DLG2: variants seen among roughly 807,000 people sequenced by gnomAD.
DLG2 encodes disks large homolog 2.
Under a neutral mutation model 132.5 loss-of-function variants are expected in DLG2, and 45 were observed. The observed-to-expected ratio is 0.34, with a 90% CI of 0.27 to 0.44. The LOEUF is 0.44. Among genes scored for constraint, DLG2 ranks in the 20% least tolerant of loss-of-function variants. The pLI is 1.00. For synonymous variants in DLG2, 424 were observed against 419.6 expected, an observed-to-expected ratio of 1.01 and a Z score of -0.13; for missense variants, 1,045 against 1,196.9, an observed-to-expected ratio of 0.87 and a Z score of 1.87.
intron 19 of DLG2, among the ~76,000 whole-genome samples, chr11:83,599,191 C>T (rs574914737): frequency 6.6e-6 from 1 of 152,174 alleles, no homozygotes; most frequent in East Asian, 1.9e-4. Flanking sequence ...TCTCTATGAA[C>T]TACAGCCTTA....
intron 7 of DLG2, among the ~76,000 whole-genome samples, chr11:84,358,290 AT>A (rs1287316568): frequency 6.6e-6 from 1 of 151,364 alleles, no homozygotes; most frequent in Non-Finnish European, 1.5e-5. Flanking sequence ...TGAAGCCACT[AT>A]CAGATGATGC....
intron 7 of DLG2, among the ~76,000 whole-genome samples, chr11:84,450,319 AG>A (rs2099047981): frequency 6.6e-6 from 1 of 151,892 alleles, no homozygotes; most frequent in Admixed American, 6.6e-5. Flanking sequence ...AGAGAACATT[AG>A]CCCATGAGTT....
intron 3 of DLG2, chr11:85,286,127 A>G (rs747698513): frequency 3.5e-5 from 16 of 454,934 alleles, no homozygotes; most frequent in South Asian, 2.6e-4. Context: ...CAGAGACTAT[A>G]AAACCAAAGT....
intron 4 of DLG2, among the ~76,000 whole-genome samples, chr11:85,236,145 C>T (rs575225954): frequency 6.6e-6 from 1 of 151,890 alleles, no homozygotes; most frequent in Non-Finnish European, 1.5e-5. Context: ...GATTATTAAT[C>T]TCACTTTACA....
In DLG2 at chr11:85,408,035, A is replaced by T. The variant is rs994274600; in HGVS notation, c.41-122670T>A. On this transcript the variant is annotated intron_variant, in intron 3 of 27. Coordinates refer to ENST00000376104, the MANE Select transcript of DLG2 (RefSeq NM_001142699.3). ...CAAAAAAAAAAGACTGACAGTCTAT[A>T]ACACAAAATGCTAAAAGTATTTATT... 2.6e-5 allele frequency among the ~76,000 whole-genome samples: 4 copies of T among 151,914 alleles called. No homozygotes were observed. In the South Asian group the frequency reaches 8.3e-4, roughly 32 times the overall value.
chr11:84,247,249 A>G (rs1176555412), intron 8 of DLG2, among the ~76,000 whole-genome samples: 5 of 152,098 alleles, frequency 3.3e-5, no homozygotes, highest in African/African-American at 1.2e-4. Flanking sequence ...CTGAAAGGAG[A>G]GGAGAGCGCA....
chr11:83,820,189 T>C (rs1375979724), intron 17 of DLG2, among the ~76,000 whole-genome samples: 1 of 152,140 alleles, frequency 6.6e-6, no homozygotes, highest in Non-Finnish European at 1.5e-5. Flanking sequence ...TACATATTAT[T>C]TATTGTCTTA....
chr11:85,149,486 C>T (rs1214261516), intron 5 of DLG2, among the ~76,000 whole-genome samples: 1 of 152,108 alleles, frequency 6.6e-6, no homozygotes, highest in Non-Finnish European at 1.5e-5. Context: ...GATGCCACTT[C>T]CCATCCCATC....
At chr11:84,107,648 C>T (rs557268053) in intron 9 of DLG2, among the ~76,000 whole-genome samples, 1 of 152,096 alleles carries the variant, frequency 6.6e-6, no homozygotes, top group Non-Finnish European at 1.5e-5. Flanking sequence ...AGGAATACTT[C>T]GCCCTCTGAG....
intron 7 of DLG2, among the ~76,000 whole-genome samples, chr11:84,344,868 C>A (rs992697546): frequency 8.5e-5 from 13 of 152,096 alleles, no homozygotes; most frequent in Admixed American, 7.9e-4. Flanking sequence ...ATTATTTCTT[C>A]TACCGTATGG....
chr11:85,138,386 T>C (rs958570598), intron 5 of DLG2, among the ~76,000 whole-genome samples: 6 of 152,174 alleles, frequency 3.9e-5, no homozygotes, highest in African/African-American at 1.4e-4. Context: ...TATACAATGC[T>C]GTGGGTTGAG....
intron 21 of DLG2, among the ~76,000 whole-genome samples, chr11:83,489,025 A>T (rs932916164): frequency 3.9e-5 from 6 of 152,028 alleles, no homozygotes; most frequent in African/African-American, 1.4e-4. Context: ...TTGCCTAATT[A>T]AAAAAAGATT....
At chr11:85,526,253 AATTGCTTAAAATCAGTG>A (rs2074733246) in intron 3 of DLG2, among the ~76,000 whole-genome samples, 1 of 152,240 alleles carries the variant, frequency 6.6e-6, no homozygotes, top group East Asian at 1.9e-4. Flanking sequence ...TTCATAATTA[AATTGCTTAAAATCAGTG>A]ATACAGAGAA....
chr11:84,376,907 G>T (rs2098731635), intron 7 of DLG2, among the ~76,000 whole-genome samples: 1 of 151,862 alleles, frequency 6.6e-6, no homozygotes, highest in African/African-American at 2.4e-5. Context: ...GACAGAATTA[G>T]AAAATCACCA....
intron 12 of DLG2, among the ~76,000 whole-genome samples, chr11:83,971,194 GA>G (rs1260045131): frequency 1.3e-5 from 2 of 151,896 alleles, no homozygotes; most frequent in African/African-American, 2.4e-5. Context: ...TGGTTTCAAG[GA>G]AAAAAATCAT....
intron 8 of DLG2, among the ~76,000 whole-genome samples, chr11:84,188,693 A>G (rs1597033506): frequency 6.6e-6 from 1 of 152,224 alleles, no homozygotes; most frequent in South Asian, 2.1e-4. Context: ...CTCCCTAAAT[A>G]TTCTCTTTTG....
chr11:85,194,603 C>T (rs376580132), intron 4 of DLG2, among the ~76,000 whole-genome samples: 1 of 151,370 alleles, frequency 6.6e-6, no homozygotes, highest in Non-Finnish European at 1.5e-5. Flanking sequence ...CTCCCCTCAC[C>T]CCCACCCCCG....
chr11:84,892,657 A>C (rs1025486957), intron 6 of DLG2, among the ~76,000 whole-genome samples: 3 of 152,136 alleles, frequency 2.0e-5, no homozygotes, highest in African/African-American at 7.2e-5. Flanking sequence ...TTTAAAGAAG[A>C]AATATTTAAT....
chr11:83,632,108 C>G (rs1172586271), intron 19 of DLG2: 1 of 152,146 alleles, frequency 6.6e-6, no homozygotes, highest in African/African-American at 2.4e-5. Flanking sequence ...AGAAGGGACT[C>G]TAGGCTTATC....
Sources: gnomAD v4.1 joint callset for allele counts (sites outside exome capture counted in the v4.1 genomes callset) on GRCh38, gnomAD v4.1.1 for gene constraint, MANE v1.5 for transcripts, NCBI Gene and HGNC (gene_info 2026-07-23, HGNC 2026-07-21) for gene names.